TRPM1: variants seen among roughly 807,000 people sequenced by gnomAD.
The protein encoded by TRPM1 is TRPM1-203 APA Isoform, Intron 10.
Under a neutral mutation model 149.4 loss-of-function variants are expected in TRPM1, and 113 were observed. The ratio of observed to expected loss-of-function variants is 0.76; its 90% CI spans 0.65 to 0.88. The LOEUF (loss-of-function observed/expected upper bound fraction) is 0.88, where lower values mean the gene tolerates loss of function less well. Among genes scored for constraint, TRPM1 ranks in the 40% least tolerant of loss-of-function variants. The pLI is 0.00. For synonymous variants in TRPM1, 741 were observed against 759.5 expected (o/e 0.98, Z 0.40); for missense variants, 1,976 against 2,038.7 (o/e 0.97, Z 0.59).
At chr15:31,008,893 T>C (rs894181127) in intron 27 of TRPM1, among the ~76,000 whole-genome samples, 1 of 152,208 alleles carries the variant, frequency 6.6e-6, no homozygotes, top group African/African-American at 2.4e-5. Context: ...ATATTGAAAA[T>C]GCCATCAGAC....
At chr15:31,104,795 C>T (rs913670268), upstream of TRPM1, among the ~76,000 whole-genome samples, 8 of 152,080 alleles carry the variant, frequency 5.3e-5, no homozygotes, top group African/African-American at 7.2e-5. Flanking sequence ...TGGGTTTCAC[C>T]GTGTTGGCCA....
intron 1 of TRPM1, among the ~76,000 whole-genome samples, chr15:31,110,378 G>C (rs754183562): frequency 6.6e-6 from 1 of 152,068 alleles, no homozygotes; most frequent in Non-Finnish European, 1.5e-5. Context: ...AAGACATAGA[G>C]GTCTATCAAT....
chr15:31,088,670 G>C (rs2035087397), intron 1 of TRPM1, among the ~76,000 whole-genome samples: 1 of 152,182 alleles, frequency 6.6e-6, no homozygotes, highest in African/African-American at 2.4e-5. Context: ...ACTAGGATGG[G>C]CATTTCATAC....
At chr15:31,092,295 G>T (rs2141003299) in intron 1 of TRPM1, among the ~76,000 whole-genome samples, 1 of 152,024 alleles carries the variant, frequency 6.6e-6, no homozygotes, top group African/African-American at 2.4e-5. Flanking sequence ...TGGTGTCGGT[G>T]CGTTGTAAGT....
At chr15:31,032,599 G>A (rs2033140645) in intron 22 of TRPM1, 90 bp downstream of exon 22, 5 of 1,513,678 alleles carry the variant, frequency 3.3e-6, no homozygotes, top group Non-Finnish European at 3.7e-6. Context: ...AAAACCAAAT[G>A]AAATTGAAGG....
intron 15 of TRPM1, 39 bp from the exon 16 acceptor site, chr15:31,046,272 T>C (rs2033759872): frequency 1.2e-6 from 2 of 1,600,030 alleles, no homozygotes; most frequent in African/African-American, 2.7e-5. Context: ...TCAATTTACT[T>C]AGATAACTAA....
At chr15:31,061,595 A>G (rs2034234119) in intron 9 of TRPM1, 81 bp from the exon 10 acceptor site, 1 of 1,131,822 alleles carries the variant, frequency 8.8e-7, no homozygotes, top group Non-Finnish European at 1.3e-6. Context: ...ATGACCACAG[A>G]GACTGACACG....
intron 1 of TRPM1, among the ~76,000 whole-genome samples, chr15:31,093,632 TGCTC>T (rs1449719450): frequency 6.6e-6 from 1 of 152,038 alleles, no homozygotes; most frequent in Admixed American, 6.6e-5. Context: ...GATGGAGTCT[TGCTC>T]TGTTGCCCAG....
chr15:31,113,761 C>T (rs763586209), intron 1 of TRPM1, among the ~76,000 whole-genome samples: 13 of 152,180 alleles, frequency 8.5e-5, no homozygotes, highest in African/African-American at 1.9e-4. Flanking sequence ...CGGACCTTCC[C>T]GGTGAGTGTT....
At position 31,088,801 on chromosome 15, in the gene TRPM1, C is replaced by G. The variant is rs907641314; in HGVS notation, c.-83-7363G>C. 8.5e-5 allele frequency among the ~76,000 whole-genome samples: 12 copies of G among 140,580 alleles called. No individual in the cohort carries two copies. In the South Asian group the frequency reaches 2.1e-3, roughly 25 times the overall value. 92.2% of individuals were successfully genotyped at this position (140,580 alleles called of 152,430 possible). On this transcript the variant is annotated intron_variant, in intron 1 of 27. Transcript: ENST00000256552. ...ATCAAACACCTGAACGTTCTTTCTGCTGGGGGGATGCGTCAGAGGAGGCCT... is the reference window on the plus strand; with the variant it reads ...ATCAAACACCTGAACGTTCTTTCTGGTGGGGGGATGCGTCAGAGGAGGCCT...
At chr15:31,072,028 G>GTT (rs2034573538) in intron 3 of TRPM1, among the ~76,000 whole-genome samples, 1 of 131,716 alleles carries the variant, frequency 7.6e-6, no homozygotes, top group African/African-American at 2.7e-5. Flanking sequence ...TAGAGAGAGA[G>GTT]AGAGAGAGAG....
At chr15:31,068,228 T>C (rs893418400) in intron 4 of TRPM1, 136 bp from the exon 5 acceptor site, 1 of 803,730 alleles carries the variant, frequency 1.2e-6, no homozygotes, top group Non-Finnish European at 2.1e-6. Context: ...GCCCTCTGTG[T>C]GAGTCTGTGG....
intron 27 of TRPM1, among the ~76,000 whole-genome samples, chr15:31,025,585 A>C (rs1404071730): frequency 6.6e-6 from 1 of 152,176 alleles, no homozygotes; most frequent in Admixed American, 6.5e-5. Flanking sequence ...TGAAAGACAC[A>C]CCCTGCCCTA....
At chr15:31,150,102 C>T (rs934447521) in intron 1 of TRPM1, among the ~76,000 whole-genome samples, 94 of 152,284 alleles carry the variant, frequency 6.2e-4, no homozygotes, top group South Asian at 2.1e-4. Context: ...TTGCCCGCAG[C>T]CCTAAGTGTT....
intron 1 of TRPM1, among the ~76,000 whole-genome samples, chr15:31,149,797 G>A (rs909999757): frequency 1.3e-5 from 2 of 152,214 alleles, no homozygotes; most frequent in Non-Finnish European, 2.9e-5. Flanking sequence ...GGGATTACAG[G>A]CGTGAGCCAC....
intron 24 of TRPM1, among the ~76,000 whole-genome samples, chr15:31,028,737 G>C (rs1406983279): frequency 2.0e-5 from 3 of 151,664 alleles, no homozygotes; most frequent in Non-Finnish European, 4.4e-5. Flanking sequence ...GGGTGACTGA[G>C]CGAGACTCCC....
At chr15:31,090,131 G>A (rs1229262444) in intron 1 of TRPM1, among the ~76,000 whole-genome samples, 1 of 152,122 alleles carries the variant, frequency 6.6e-6, no homozygotes, top group Non-Finnish European at 1.5e-5. Context: ...ACACTGGTGC[G>A]TTCCCTTCAG....
Position 31,047,348 on chromosome 15 carries a change from T to G in TRPM1, c.1624-97A>C, listed in dbSNP as rs542627540. On this transcript the variant is annotated intron_variant, in intron 14 of 27. Transcript: ENST00000256552. ...GGTAAGTGGCTGTCCTGGCCCCCAC[T>G]TGGGAGTTCATGTAACAGGTGGGTG... The G allele has an allele frequency of 5.0e-6, 7 of 1,393,552 alleles. No individual in the cohort carries two copies. The South Asian group carries it at 7.1e-5, about 14-fold the overall frequency. The allele number at this position is 1,393,552 out of a possible 1,614,324, so 86.3% of individuals were successfully genotyped here. A position where few individuals can be genotyped will look rare whatever the true frequency, so the allele number is the denominator to read the frequency against.
At chr15:31,023,366 C>T (rs1047979668) in intron 27 of TRPM1, among the ~76,000 whole-genome samples, 28 of 152,208 alleles carry the variant, frequency 1.8e-4, no homozygotes, top group Admixed American at 3.9e-4. Context: ...ATGGCAAAGC[C>T]AGAGAGAGGG....
Sources: gnomAD v4.1 joint callset for allele counts (sites outside exome capture counted in the v4.1 genomes callset) on GRCh38, gnomAD v4.1.1 for gene constraint, MANE v1.5 for transcripts, NCBI Gene and HGNC (gene_info 2026-07-23, HGNC 2026-07-21) for gene names.